Variants in DAAM2 observed in about 807,000 individuals in gnomAD.
The protein encoded by DAAM2 is disheveled-associated activator of morphogenesis 2.
DAAM2 carries 39 observed loss-of-function variants against 120.7 expected under a neutral mutation model. The observed-to-expected ratio is 0.32, with a 90% CI of 0.25 to 0.42. The LOEUF (loss-of-function observed/expected upper bound fraction) is 0.42, where lower values mean the gene tolerates loss of function less well. Ranked by LOEUF, DAAM2 falls within the 10% of genes least tolerant of loss-of-function variation. DAAM2 has a pLI of 1.00. For synonymous variants in DAAM2, 488 were observed against 524.9 expected, an observed-to-expected ratio of 0.93 and a Z score of 0.96; for missense variants, 1,283 against 1,401.7, an observed-to-expected ratio of 0.92 and a Z score of 1.35.
Position 39,901,669 on chromosome 6 carries a change from T to C in DAAM2, c.2983-144T>C, listed in dbSNP as rs1035382107. The C allele has an allele frequency of 5.7e-5, 55 of 968,852 alleles. No homozygotes were observed. The highest frequency in any genetic ancestry group is 3.3e-4 in the Middle Eastern group (1 of 3,036). 60.0% of individuals were successfully genotyped at this position (968,852 alleles called of 1,614,324 possible). A position where few individuals can be genotyped will look rare whatever the true frequency, so the allele number is the denominator to read the frequency against. ...AGTGGTGTGAAGCTGGGGGCCTGTA[T>C]GTCCTAGGCAGGAAGAAAGTGGGGC... is the stretch of plus-strand genomic sequence containing the variant. On this transcript the variant is annotated intron_variant, in intron 24 of 24. Coordinates refer to ENST00000274867, the MANE Select transcript of DAAM2 (RefSeq NM_001201427.2). This position sits in a 1 kb window ranked among gnomAD's most constrained non-coding sequence, Gnocchi z 4.5.
intron 1 of DAAM2, among the ~76,000 whole-genome samples, chr6:39,801,043 A>C (rs957450662): frequency 6.6e-6 from 1 of 152,220 alleles, no homozygotes; most frequent in Non-Finnish European, 1.5e-5. Context: ...TCAAATGGAG[A>C]TAATAACATT....
At chr6:39,870,004 A>T (rs531548011) in intron 7 of DAAM2, among the ~76,000 whole-genome samples, 1 of 152,226 alleles carries the variant, frequency 6.6e-6, no homozygotes, top group Non-Finnish European at 1.5e-5. Flanking sequence ...AGTTTTCCCA[A>T]GGTCACAAAA....
At chr6:39,796,057 G>A (rs1761691041) in intron 1 of DAAM2, among the ~76,000 whole-genome samples, 1 of 152,110 alleles carries the variant, frequency 6.6e-6, no homozygotes, top group Non-Finnish European at 1.5e-5. Context: ...GAATCTGATG[G>A]GTTGTAAAGA....
intron 1 of DAAM2, among the ~76,000 whole-genome samples, chr6:39,798,145 G>C (rs1761755845): frequency 6.6e-6 from 1 of 152,218 alleles, no homozygotes; most frequent in South Asian, 2.1e-4. Flanking sequence ...AAGTATAGTA[G>C]CTTAGGGAAG....
intron 1 of DAAM2, among the ~76,000 whole-genome samples, chr6:39,827,099 A>G (rs1762701798): frequency 6.6e-6 from 1 of 152,210 alleles, no homozygotes; most frequent in Non-Finnish European, 1.5e-5. Flanking sequence ...CCACTTAAGT[A>G]GAAACTCAGG....
chr6:39,798,969 G>A (rs923216452), intron 1 of DAAM2, among the ~76,000 whole-genome samples: 3 of 152,070 alleles, frequency 2.0e-5, no homozygotes, highest in African/African-American at 4.8e-5. Flanking sequence ...TTGTAGAATC[G>A]ACGCCTGGAA....
At chr6:39,836,445 G>T (rs2149243487) in intron 1 of DAAM2, among the ~76,000 whole-genome samples, 1 of 152,212 alleles carries the variant, frequency 6.6e-6, no homozygotes, top group Middle Eastern at 3.4e-3. Context: ...AAAACGCGAG[G>T]TCATTATTAC....
At chr6:39,899,174 G>C (rs191070691) in intron 22 of DAAM2, among the ~76,000 whole-genome samples, 1 of 152,194 alleles carries the variant, frequency 6.6e-6, no homozygotes, top group Non-Finnish European at 1.5e-5. Flanking sequence ...GCAGTGGAGT[G>C]GAATGAACCA....
In DAAM2 at chr6:39,806,572, T is replaced by TA. The variant is rs202061295; in HGVS notation, c.-57+14116dup. Reference sequence around the variant, plus strand: ...TTTATCTCTAATATTATGGCTTATTTAAAAAAAAATCCCTGTCTCATAGCC... The same window carrying TA: ...TTTATCTCTAATATTATGGCTTATTTAAAAAAAAAATCCCTGTCTCATAGCC... On this transcript the variant is annotated intron_variant, in intron 1 of 24. Coordinates refer to ENST00000274867, the MANE Select transcript of DAAM2 (RefSeq NM_001201427.2). 9.5e-3 allele frequency among the ~76,000 whole-genome samples: 1,443 copies of TA among 151,480 alleles called. 19 individuals carry two copies. The highest frequency in any genetic ancestry group is 0.031 in the African/African-American group (1,294 of 41,352).
intron 22 of DAAM2, among the ~76,000 whole-genome samples, chr6:39,899,237 C>T (rs1210509254): frequency 1.3e-5 from 2 of 152,232 alleles, no homozygotes; most frequent in African/African-American, 2.4e-5. Context: ...AAAGAATCCT[C>T]ATCCCTTGAC....
chr6:39,886,820 G>A (rs1765403142), intron 15 of DAAM2: 2 of 204,250 alleles, frequency 9.8e-6, no homozygotes, highest in Non-Finnish European at 1.9e-5. Context: ...ACCTCCCAGA[G>A]GAAGAACAGC....
Position 39,886,169 on chromosome 6 carries a change from G to C in DAAM2, c.1954-1317G>C, listed in dbSNP as rs530592312. The C allele has an allele frequency of 3.8e-5, 14 of 370,980 alleles. No homozygotes were observed. In the East Asian group the frequency reaches 4.7e-4, roughly 12 times the overall value. 23.0% of individuals were successfully genotyped at this position (370,980 alleles called of 1,614,324 possible). ...CTGCCCTAACTGGGGAGTGGTGGTCGCACTAGGCAGATGGGAGGAGCTGCC... is the reference window on the plus strand; with the variant it reads ...CTGCCCTAACTGGGGAGTGGTGGTCCCACTAGGCAGATGGGAGGAGCTGCC... On this transcript the variant is annotated intron_variant, in intron 15 of 24. Transcript: ENST00000274867.
intron 1 of DAAM2, among the ~76,000 whole-genome samples, chr6:39,814,733 T>C (rs1762260654): frequency 6.6e-6 from 1 of 152,202 alleles, no homozygotes; most frequent in Non-Finnish European, 1.5e-5. Context: ...ACCATTTCTG[T>C]GGAACTCAAA....
chr6:39,856,235 C>T lies in DAAM2; in HGVS notation c.-56-12C>T. 2 of 1,375,622 alleles carry T rather than the reference C, an allele frequency of 1.5e-6. No individual in the cohort carries two copies. The highest frequency in any genetic ancestry group is 9.4e-7 in the Non-Finnish European group (1 of 1,061,664). 85.2% of individuals were successfully genotyped at this position (1,375,622 alleles called of 1,614,324 possible). On this transcript the variant is annotated splice_polypyrimidine_tract_variant and intron_variant, in intron 1 of 24. Transcript: ENST00000274867. ...TATGCCTGACCACCCTGTGTTCTCT[C>T]CTCTTGTCCAGATCACAATGAGGAC...
At position 39,901,735 on chromosome 6, in the gene DAAM2, T is replaced by C; in HGVS notation, c.2983-78T>C. ...GGCAGCATGACCATGGCCTAGGAGT[T>C]AGCCCAGGGTTGGGGGGCTGCCCTG... On this transcript the variant is annotated intron_variant, in intron 24 of 24. Transcript: ENST00000274867. This position sits in a 1 kb window ranked among gnomAD's most constrained non-coding sequence, Gnocchi z 4.5. 1 of 1,329,472 alleles carries C rather than the reference T, an allele frequency of 7.5e-7. No individual in the cohort carries two copies. Among genetic ancestry groups the C allele is most frequent in the Non-Finnish European group, 1.0e-6 (1 of 997,094 alleles). The allele number at this position is 1,329,472 out of a possible 1,614,324, so 82.4% of individuals were successfully genotyped here. A position where few individuals can be genotyped will look rare whatever the true frequency, so the allele number is the denominator to read the frequency against.
chr6:39,898,465 T>C (rs1766259104), intron 21 of DAAM2, among the ~76,000 whole-genome samples: 1 of 152,198 alleles, frequency 6.6e-6, no homozygotes, highest in Non-Finnish European at 1.5e-5. Flanking sequence ...CTGATAGATG[T>C]CATCTCCAGG....
intron 1 of DAAM2, among the ~76,000 whole-genome samples, chr6:39,811,306 G>A (rs924111446): frequency 7.9e-5 from 12 of 151,996 alleles, no homozygotes; most frequent in African/African-American, 2.7e-4. Flanking sequence ...ACCTCATGTG[G>A]ATGTTGTTTT....
intron 1 of DAAM2, 98 bp from the exon 2 acceptor site, chr6:39,856,149 A>G: frequency 7.9e-7 from 1 of 1,269,894 alleles, no homozygotes; most frequent in Non-Finnish European, 9.9e-7. Context: ...GAGGGCTCCC[A>G]GCAACCTGTG....
At position 39,799,605 on chromosome 6, in the gene DAAM2, C is replaced by T. The variant is rs148619871; in HGVS notation, c.-57+7140C>T. On this transcript the variant is annotated intron_variant, in intron 1 of 24. Coordinates refer to ENST00000274867, the MANE Select transcript of DAAM2 (RefSeq NM_001201427.2). ...TTTCTTTTGATCCTCCCCAAATGAA[C>T]GATTGGGAGCTGCCTCCTAAGAGGG... is the stretch of plus-strand genomic sequence containing the variant. Among the ~76,000 whole-genome samples, 436 of 152,082 alleles carry T rather than the reference C, an allele frequency of 2.9e-3. 3 individuals carry two copies. The highest frequency in any genetic ancestry group is 9.6e-3 in the African/African-American group (398 of 41,482).
Sources: gnomAD v4.1 joint callset for allele counts (sites outside exome capture counted in the v4.1 genomes callset) on GRCh38, gnomAD v4.1.1 for gene constraint, Gnocchi (gnomAD v3.1) non-coding constraint, MANE v1.5 for transcripts, NCBI Gene and HGNC (gene_info 2026-07-23, HGNC 2026-07-21) for gene names.